The following KANSL1L variants were observed in gnomAD, a reference collection of about 807,000 sequenced individuals.
The protein encoded by KANSL1L is KAT8 regulatory NSL complex subunit 1 like, also known as KAT8 regulatory NSL complex subunit 1-like protein.
KANSL1L carries 25 observed loss-of-function variants against 108.6 expected under a neutral mutation model. The ratio of observed to expected loss-of-function variants is 0.23; its 90% CI spans 0.17 to 0.32. KANSL1L has a LOEUF of 0.32. Ranked by LOEUF, KANSL1L falls within the 10% of genes least tolerant of loss-of-function variation. The pLI is 1.00. For synonymous variants in KANSL1L, 405 were observed against 395.1 expected, an observed-to-expected ratio of 1.03 and a Z score of -0.30; for missense variants, 1,137 against 1,125.7, an observed-to-expected ratio of 1.01 and a Z score of -0.14.
chr2:210,065,579 ATTTTTTTTTTTTTT>A (rs57999970), intron 6 of KANSL1L, among the ~76,000 whole-genome samples: 2 of 64,922 alleles, frequency 3.1e-5, no homozygotes, highest in East Asian at 1.0e-3. Flanking sequence ...CCTGGACATG[ATTTTTTTTTTTTTT>A]TTTTTTTTTT....
intron 8 of KANSL1L, among the ~76,000 whole-genome samples, chr2:210,031,976 A>G (rs996469839): frequency 6.6e-6 from 1 of 152,230 alleles, no homozygotes; most frequent in Non-Finnish European, 1.5e-5. Context: ...TAGTTGCATC[A>G]TCTGTAAAAT....
intron 5 of KANSL1L, among the ~76,000 whole-genome samples, chr2:210,096,256 T>C (rs2094735160): frequency 6.6e-6 from 1 of 152,168 alleles, no homozygotes; most frequent in African/African-American, 2.4e-5. Context: ...AGGTATCTTT[T>C]TCAAGTGTAA....
intron 14 of KANSL1L, 118 bp downstream of exon 14, chr2:210,023,915 T>A: frequency 1.6e-6 from 1 of 607,600 alleles, no homozygotes; most frequent in Non-Finnish European, 2.7e-6. Flanking sequence ...CTTCTATACC[T>A]AACTTATTGA....
At chr2:210,146,107 A>G (rs1316130927) in intron 2 of KANSL1L, among the ~76,000 whole-genome samples, 1 of 152,094 alleles carries the variant, frequency 6.6e-6, no homozygotes, top group Admixed American at 6.6e-5. Flanking sequence ...AGTGGTGACT[A>G]TGGTAGCACC....
chr2:210,034,036 A>G (rs2094064631), intron 8 of KANSL1L, among the ~76,000 whole-genome samples: 1 of 152,156 alleles, frequency 6.6e-6, no homozygotes, highest in East Asian at 1.9e-4. Context: ...CCTCTCCTAG[A>G]GTTCATCCTA....
chr2:210,046,190 G>T (rs1008458898), intron 6 of KANSL1L, among the ~76,000 whole-genome samples: 4 of 152,084 alleles, frequency 2.6e-5, no homozygotes, highest in Non-Finnish European at 5.9e-5. Flanking sequence ...ATCACATTGG[G>T]AATTAGGTTT....
intron 8 of KANSL1L, chr2:210,032,134 A>G (rs2094026799): frequency 1.3e-5 from 2 of 152,244 alleles, no homozygotes; most frequent in African/African-American, 4.8e-5. Context: ...CCTTGGTCTA[A>G]CAACCAAATT....
intron 1 of KANSL1L, among the ~76,000 whole-genome samples, chr2:210,159,790 GC>G (rs2095351985): frequency 6.6e-6 from 1 of 152,192 alleles, no homozygotes; most frequent in Non-Finnish European, 1.5e-5. Flanking sequence ...GGTGGCTCAC[GC>G]CTATAATCCC....
chr2:210,049,759 TTAAG>T (rs1164404628), intron 6 of KANSL1L, among the ~76,000 whole-genome samples: 1 of 152,202 alleles, frequency 6.6e-6, no homozygotes, highest in Non-Finnish European at 1.5e-5. Context: ...AGAAAAGATA[TTAAG>T]TAATAGCTAC....
chr2:210,049,657 T>C (rs991229783), intron 6 of KANSL1L, among the ~76,000 whole-genome samples: 4 of 152,120 alleles, frequency 2.6e-5, no homozygotes, highest in Non-Finnish European at 5.9e-5. Flanking sequence ...TAGTAGGAAA[T>C]TAGAAGCTAA....
intron 5 of KANSL1L, among the ~76,000 whole-genome samples, chr2:210,092,693 A>C (rs1414030799): frequency 6.6e-6 from 1 of 151,986 alleles, no homozygotes; most frequent in East Asian, 1.9e-4. Context: ...CTGTCTCCTT[A>C]TATGTTTGAT....
At chr2:210,117,431 AAGT>A (rs1034229466) in intron 3 of KANSL1L, among the ~76,000 whole-genome samples, 5 of 152,154 alleles carry the variant, frequency 3.3e-5, no homozygotes, top group Non-Finnish European at 5.9e-5. Flanking sequence ...ATCCAAAGAA[AAGT>A]ACCTCAAGAC....
chr2:210,055,085 G>A (rs1313365690), intron 6 of KANSL1L, among the ~76,000 whole-genome samples: 1 of 152,174 alleles, frequency 6.6e-6, no homozygotes, highest in Non-Finnish European at 1.5e-5. Flanking sequence ...GGGACCCAGT[G>A]GGAGGTAATT....
At chr2:210,099,053 A>C (rs1166269658) in intron 4 of KANSL1L, among the ~76,000 whole-genome samples, 1 of 151,938 alleles carries the variant, frequency 6.6e-6, no homozygotes, top group African/African-American at 2.4e-5. Flanking sequence ...GAGACATTTT[A>C]AAAATGAAAA....
intron 6 of KANSL1L, among the ~76,000 whole-genome samples, chr2:210,058,453 A>C (rs2094381186): frequency 6.6e-6 from 1 of 152,056 alleles, no homozygotes; most frequent in Admixed American, 6.6e-5. Flanking sequence ...GCCTTGTGAT[A>C]TCTTATTAGC....
chr2:210,045,923 A>G (rs975506729), intron 6 of KANSL1L, among the ~76,000 whole-genome samples: 1 of 152,190 alleles, frequency 6.6e-6, no homozygotes, highest in Non-Finnish European at 1.5e-5. Flanking sequence ...GTCTTGGTCC[A>G]TTCAGACTGC....
intron 6 of KANSL1L, among the ~76,000 whole-genome samples, chr2:210,070,170 C>A (rs1047787252): frequency 6.8e-6 from 1 of 147,630 alleles, no homozygotes; most frequent in South Asian, 2.1e-4. Flanking sequence ...TAACTCAAAT[C>A]TCTGCCTTCA....
At chr2:210,085,979 AC>A (rs1363270647) in intron 5 of KANSL1L, among the ~76,000 whole-genome samples, 1 of 151,282 alleles carries the variant, frequency 6.6e-6, no homozygotes, top group African/African-American at 2.4e-5. Context: ...TATACTGAAA[AC>A]ATCAACTTAG....
intron 10 of KANSL1L, 41 bp downstream of exon 10, chr2:210,029,762 T>A (rs754470743): frequency 9.9e-7 from 1 of 1,014,798 alleles, no homozygotes; most frequent in Admixed American, 2.1e-5. Context: ...GTGTTTTTAT[T>A]TTTAAAGCTA....
Sources: allele counts gnomAD v4.1 joint callset (sites outside exome capture counted in the v4.1 genomes callset), GRCh38; gene constraint gnomAD v4.1.1; transcripts MANE v1.5; gene names NCBI Gene and HGNC (gene_info 2026-07-23, HGNC 2026-07-21).